Variants in WWOX observed in about 807,000 individuals in gnomAD.
The protein encoded by WWOX is WW domain-containing oxidoreductase.
A neutral mutation model predicts 46.2 loss-of-function variants in WWOX; 69 were observed. The observed-to-expected ratio is 1.49, with a 90% CI of 1.23 to 1.82. The LOEUF (loss-of-function observed/expected upper bound fraction) is 1.82, where lower values mean the gene tolerates loss of function less well. Ranked by LOEUF, WWOX falls within the 40% of genes most tolerant of loss-of-function variation. WWOX has a pLI of 0.00. For missense variants in WWOX, 919 were observed against 542.6 expected (o/e 1.69, Z -6.89); for synonymous variants, 359 against 202.6 (o/e 1.77, Z -6.56).
chr16:78,853,196 A>G (rs2052489768), intron 8 of WWOX, among the ~76,000 whole-genome samples: 1 of 152,156 alleles, frequency 6.6e-6, no homozygotes, highest in Non-Finnish European at 1.5e-5. Flanking sequence ...TGCATAGTAA[A>G]TAGCAGGTAT....
intron 8 of WWOX, among the ~76,000 whole-genome samples, chr16:79,024,443 C>A (rs773064358): frequency 4.6e-4 from 70 of 151,394 alleles, no homozygotes; most frequent in South Asian, 1.0e-3. Context: ...ATTTTTTTTT[C>A]TTTGTTTTGA....
intron 5 of WWOX, among the ~76,000 whole-genome samples, chr16:78,374,443 T>C (rs113597076): frequency 0.028 from 4,192 of 151,800 alleles, 168 homozygotes; most frequent in African/African-American, 0.089. Flanking sequence ...CTGTAGCTAC[T>C]CCAAATGACG....
At chr16:78,185,698 G>A (rs184723583) in intron 5 of WWOX, among the ~76,000 whole-genome samples, 168 of 151,990 alleles carry the variant, frequency 1.1e-3, no homozygotes, top group African/African-American at 3.8e-3. Flanking sequence ...ATGGAGTCTC[G>A]CTCTGTTACC....
At chr16:78,457,789 G>A (rs551452775) in intron 8 of WWOX, among the ~76,000 whole-genome samples, 171 of 151,854 alleles carry the variant, frequency 1.1e-3, no homozygotes, top group Non-Finnish European at 2.0e-3. Flanking sequence ...GGTGGCGGGC[G>A]CCTGTAGTCC....
intron 8 of WWOX, among the ~76,000 whole-genome samples, chr16:79,174,481 T>A (rs186427176): frequency 2.6e-5 from 4 of 152,228 alleles, no homozygotes; most frequent in African/African-American, 9.6e-5. Flanking sequence ...AAACCCCGTC[T>A]CTACTAAAAA....
At chr16:78,471,552 C>T (rs572350527) in intron 8 of WWOX, among the ~76,000 whole-genome samples, 1 of 152,254 alleles carries the variant, frequency 6.6e-6, no homozygotes, top group African/African-American at 2.4e-5. Flanking sequence ...AACTTTACAT[C>T]CTCCATGAAA....
At chr16:78,829,122 GGATGGATGGAGA>G (rs1380184377) in intron 8 of WWOX, among the ~76,000 whole-genome samples, 2 of 151,768 alleles carry the variant, frequency 1.3e-5, no homozygotes, top group African/African-American at 4.8e-5. Flanking sequence ...ATGGATGGAT[GGATGGATGGAGA>G]GAGAGAGAGA....
chr16:78,327,613 C>T (rs1018306511), intron 5 of WWOX, among the ~76,000 whole-genome samples: 4 of 152,128 alleles, frequency 2.6e-5, no homozygotes, highest in Admixed American at 2.6e-4. Context: ...ACCTCTTTGC[C>T]ATGACACAGA....
intron 6 of WWOX, among the ~76,000 whole-genome samples, chr16:78,390,822 A>G (rs940538036): frequency 1.4e-4 from 22 of 152,228 alleles, no homozygotes; most frequent in African/African-American, 5.3e-4. Flanking sequence ...AAAGGCTGCC[A>G]GTTCAGAACC....
At chr16:79,084,499 C>A (rs1037429966) in intron 8 of WWOX, among the ~76,000 whole-genome samples, 1 of 152,128 alleles carries the variant, frequency 6.6e-6, no homozygotes, top group Non-Finnish European at 1.5e-5. Context: ...CGGCTCACTG[C>A]AACCTCTGCA....
intron 8 of WWOX, among the ~76,000 whole-genome samples, chr16:78,464,299 A>G (rs537135633): frequency 6.6e-6 from 1 of 151,586 alleles, no homozygotes; most frequent in East Asian, 1.9e-4. Context: ...AGAAAAAGGG[A>G]GAAGGAAAGA....
chr16:78,137,980 C>A (rs2033858993), intron 4 of WWOX, among the ~76,000 whole-genome samples: 1 of 150,656 alleles, frequency 6.6e-6, no homozygotes, highest in African/African-American at 2.5e-5. Flanking sequence ...GGTGAGCAAA[C>A]CATTGTTCAA....
At chr16:78,766,186 C>T (rs1027786901) in intron 8 of WWOX, among the ~76,000 whole-genome samples, 22 of 152,220 alleles carry the variant, frequency 1.4e-4, no homozygotes, top group Non-Finnish European at 2.9e-4. Context: ...TACTGCGTGC[C>T]TTGGCCTTTT....
At chr16:78,769,064 G>C (rs989900867) in intron 8 of WWOX, among the ~76,000 whole-genome samples, 1 of 152,206 alleles carries the variant, frequency 6.6e-6, no homozygotes, top group Non-Finnish European at 1.5e-5. Flanking sequence ...GGGTTGGGTA[G>C]GCGCAGGGGC....
chr16:78,121,236 A>T (rs1227485056), intron 4 of WWOX, among the ~76,000 whole-genome samples: 1 of 152,226 alleles, frequency 6.6e-6, no homozygotes, highest in African/African-American at 2.4e-5. Flanking sequence ...CCTTTTGGGC[A>T]TTGGAACTCC....
chr16:78,536,796 T>C (rs1379390158), intron 8 of WWOX, among the ~76,000 whole-genome samples: 2 of 152,118 alleles, frequency 1.3e-5, no homozygotes, highest in African/African-American at 2.4e-5. Flanking sequence ...GGATTATTTC[T>C]CTTTTTTAAT....
chr16:79,001,504 C>A (rs1425325490), intron 8 of WWOX, among the ~76,000 whole-genome samples: 2 of 152,158 alleles, frequency 1.3e-5, no homozygotes, highest in Non-Finnish European at 2.9e-5. Context: ...GTGTAATACC[C>A]AGTAGAGAAA....
At chr16:78,181,354 T>C (rs2035526958) in intron 5 of WWOX, among the ~76,000 whole-genome samples, 1 of 152,156 alleles carries the variant, frequency 6.6e-6, no homozygotes, top group African/African-American at 2.4e-5. Flanking sequence ...AGGAGGAAAT[T>C]AGAATTGTTG....
intron 8 of WWOX, chr16:78,551,731 C>T (rs1049648195): frequency 6.7e-6 from 1 of 148,470 alleles, no homozygotes; most frequent in African/African-American, 2.5e-5. Flanking sequence ...CATGAAGCAT[C>T]CTGAAAAAGC....
Sources: gnomAD v4.1 joint callset for allele counts (sites outside exome capture counted in the v4.1 genomes callset) on GRCh38, gnomAD v4.1.1 for gene constraint, MANE v1.5 for transcripts, NCBI Gene and HGNC (gene_info 2026-07-23, HGNC 2026-07-21) for gene names.